Variants in BANK1 observed in about 807,000 individuals in gnomAD.
BANK1 encodes the protein B-cell scaffold protein with ankyrin repeats.
In BANK1, 95 loss-of-function variants were observed where a neutral mutation model predicts 94.5. The ratio of observed to expected loss-of-function variants is 1.00; its 90% confidence interval spans 0.85 to 1.19. The LOEUF is 1.19. Ranked by LOEUF, BANK1 falls within the 50% of genes most tolerant of loss-of-function variation. BANK1 has a pLI of 0.00. For synonymous variants in BANK1, 334 were observed against 308.4 expected, an observed-to-expected ratio of 1.08 and a Z score of -0.87; for missense variants, 987 against 932.2, an observed-to-expected ratio of 1.06 and a Z score of -0.77.
At chr4:102,040,397 T>C (rs999093499) in intron 10 of BANK1, among the ~76,000 whole-genome samples, 16 of 152,104 alleles carry the variant, frequency 1.1e-4, no homozygotes, top group Non-Finnish European at 2.2e-4. Context: ...TGTTTTGTTT[T>C]GTCTGTGGAC....
chr4:101,857,372 C>T (rs535294530), intron 3 of BANK1, among the ~76,000 whole-genome samples: 9 of 152,230 alleles, frequency 5.9e-5, no homozygotes, highest in Non-Finnish European at 8.8e-5. Context: ...TTTATAGTTG[C>T]GTAATTTTCA....
chr4:101,857,289 T>C (rs927579561), intron 3 of BANK1, among the ~76,000 whole-genome samples: 3 of 152,312 alleles, frequency 2.0e-5, no homozygotes, highest in Admixed American at 6.5e-5. Context: ...ATACCCAGTA[T>C]CTTCAAACTG....
intron 2 of BANK1, among the ~76,000 whole-genome samples, chr4:101,841,539 G>T (rs1184477906): frequency 6.6e-6 from 1 of 151,946 alleles, no homozygotes; most frequent in East Asian, 1.9e-4. Flanking sequence ...GAAATCAACA[G>T]TGAACTCCAA....
At chr4:101,829,314 A>G (rs1319943305) in intron 1 of BANK1, among the ~76,000 whole-genome samples, 1 of 152,008 alleles carries the variant, frequency 6.6e-6, no homozygotes, top group Non-Finnish European at 1.5e-5. Context: ...ATTCTCTTCT[A>G]CGTCAGGCTT....
At chr4:102,029,436 G>A (rs1578466189) in intron 9 of BANK1, among the ~76,000 whole-genome samples, 1 of 150,984 alleles carries the variant, frequency 6.6e-6, no homozygotes, top group East Asian at 1.9e-4. Context: ...AAAAACACAA[G>A]TTTTCAAAGC....
intron 7 of BANK1, among the ~76,000 whole-genome samples, chr4:101,971,933 G>A (rs1724970648): frequency 6.6e-6 from 1 of 151,878 alleles, no homozygotes; most frequent in Admixed American, 6.6e-5. Context: ...CTTTTACTTT[G>A]TTCTTTTTGT....
chr4:101,804,685 T>A (rs1725494427), intron 1 of BANK1, among the ~76,000 whole-genome samples: 1 of 152,192 alleles, frequency 6.6e-6, no homozygotes, highest in African/African-American at 2.4e-5. Context: ...GTATTGTAAA[T>A]GTGTTTTATC....
intron 1 of BANK1, among the ~76,000 whole-genome samples, chr4:101,814,461 T>A (rs1176129408): frequency 6.6e-6 from 1 of 152,216 alleles, no homozygotes; most frequent in Non-Finnish European, 1.5e-5. Flanking sequence ...CAACAGAGTT[T>A]TCTTTTTCTC....
At chr4:101,950,202 T>C (rs1409420970) in intron 7 of BANK1, among the ~76,000 whole-genome samples, 1 of 152,158 alleles carries the variant, frequency 6.6e-6, no homozygotes, top group African/African-American at 2.4e-5. Context: ...GATCTGCTGG[T>C]AGAGGTTTTC....
At chr4:101,955,282 A>G (rs1356783877) in intron 7 of BANK1, among the ~76,000 whole-genome samples, 1 of 152,184 alleles carries the variant, frequency 6.6e-6, no homozygotes, top group East Asian at 1.9e-4. Context: ...CTGGTGTACT[A>G]CACATTCAAA....
At chr4:101,887,103 C>T (rs1159259513) in intron 5 of BANK1, among the ~76,000 whole-genome samples, 1 of 152,190 alleles carries the variant, frequency 6.6e-6, no homozygotes, top group African/African-American at 2.4e-5. Context: ...TGCTCTCTCC[C>T]TCACTGGCTT....
chr4:101,897,401 G>T (rs934017415), intron 6 of BANK1, among the ~76,000 whole-genome samples: 1 of 151,844 alleles, frequency 6.6e-6, no homozygotes, highest in Non-Finnish European at 1.5e-5. Context: ...ACTGCCTCTC[G>T]GTATACTGTT....
chr4:102,031,736 A>G (rs928903436), intron 10 of BANK1, among the ~76,000 whole-genome samples: 1 of 152,192 alleles, frequency 6.6e-6, no homozygotes, highest in Admixed American at 6.5e-5. Flanking sequence ...AAGAACATTT[A>G]AATATATACC....
chr4:102,051,291 C>T (rs180913385), intron 11 of BANK1, among the ~76,000 whole-genome samples: 78 of 152,224 alleles, frequency 5.1e-4, no homozygotes, highest in African/African-American at 1.7e-3. Flanking sequence ...AGAATAATGG[C>T]CTCAGTTCCC....
chr4:101,928,019 T>A (rs1372398016), intron 7 of BANK1, among the ~76,000 whole-genome samples: 1 of 151,696 alleles, frequency 6.6e-6, no homozygotes, highest in Non-Finnish European at 1.5e-5. Context: ...ATAGGACAGA[T>A]AATCAAATTT....
Position 102,074,314 on chromosome 4 carries a change from T to G in BANK1, c.*315T>G, listed in dbSNP as rs991143710. On this transcript the variant is annotated 3_prime_UTR_variant, in exon 17 of 17. Coordinates refer to ENST00000322953, the MANE Select transcript of BANK1 (RefSeq NM_017935.5). ...TTAAAAGAAAACAGCACAGAGAAGT[T>G]AAATGCGGTGTAGCAAAGTTATGGG... 2 of 152,152 alleles carry G rather than the reference T, an allele frequency of 1.3e-5. No homozygotes were observed. The highest frequency in any genetic ancestry group is 4.8e-5 in the African/African-American group (2 of 41,452). 9.4% of individuals were successfully genotyped at this position (152,152 alleles called of 1,614,324 possible). A position where few individuals can be genotyped will look rare whatever the true frequency, so the allele number is the denominator to read the frequency against.
intron 3 of BANK1, among the ~76,000 whole-genome samples, chr4:101,858,671 T>G (rs1727766776): frequency 6.6e-6 from 1 of 152,194 alleles, no homozygotes; most frequent in Admixed American, 6.5e-5. Flanking sequence ...GATAGAGACA[T>G]TTGAAAAACC....
At chr4:101,945,564 T>C (rs1723900217) in intron 7 of BANK1, among the ~76,000 whole-genome samples, 1 of 151,940 alleles carries the variant, frequency 6.6e-6, no homozygotes, top group Non-Finnish European at 1.5e-5. Context: ...CATGAATCAA[T>C]AGAATCCATG....
At chr4:102,013,285 A>G (rs1476617993) in intron 7 of BANK1, among the ~76,000 whole-genome samples, 2 of 151,134 alleles carry the variant, frequency 1.3e-5, no homozygotes, top group Non-Finnish European at 3.0e-5. Flanking sequence ...CTTTTTCCCT[A>G]CTCTTGGTGC....
Sources: allele counts gnomAD v4.1 joint callset (sites outside exome capture counted in the v4.1 genomes callset), GRCh38; gene constraint gnomAD v4.1.1; transcripts MANE v1.5; gene names NCBI Gene and HGNC (gene_info 2026-07-23, HGNC 2026-07-21).